OPA1: variants seen among roughly 807,000 people sequenced by gnomAD.
OPA1 encodes OPA1 mitochondrial dynamin like GTPase.
Under a neutral mutation model 152.9 loss-of-function variants are expected in OPA1, and 59 were observed. The ratio of observed to expected loss-of-function variants is 0.39; its 90% CI spans 0.31 to 0.48. The LOEUF is 0.48. OPA1 is among the 20% of genes least tolerant of loss of function. The probability of loss-of-function intolerance (pLI) is 0.96; values close to 1 mark genes in which losing one functional copy is unlikely to be tolerated. For synonymous variants in OPA1, 400 were observed against 389.9 expected (o/e 1.03, Z -0.31); for missense variants, 1,008 against 1,216.8 (o/e 0.83, Z 2.55).
chr3:193,640,751 T>C (rs74912702), intron 11 of OPA1, among the ~76,000 whole-genome samples: 1 of 152,194 alleles, frequency 6.6e-6, no homozygotes, highest in South Asian at 2.1e-4. Context: ...TTTGTTTTTT[T>C]CATGTTTAGC....
Position 193,688,510 on chromosome 3 carries a change from G to A in OPA1, c.2984-3553G>A, listed in dbSNP as rs1397955793. 9.9e-5 allele frequency among the ~76,000 whole-genome samples: 10 copies of A among 101,462 alleles called. No homozygotes were observed. The Admixed American group carries it at 1.2e-3, about 12-fold the overall frequency. 66.6% of individuals were successfully genotyped at this position (101,462 alleles called of 152,430 possible). ...TTTTTTTTTTTTGAGACAGAGTCTC[G>A]CTATGTCACCAGGCTGGAGTGCAGT... On this transcript the variant is annotated intron_variant, in intron 29 of 30. Coordinates refer to ENST00000361510, the MANE Select transcript of OPA1 (RefSeq NM_130837.3).
intron 21 of OPA1, among the ~76,000 whole-genome samples, chr3:193,653,647 C>A (rs1292482147): frequency 6.6e-6 from 1 of 152,106 alleles, no homozygotes; most frequent in Non-Finnish European, 1.5e-5. Context: ...TTACCTTAAT[C>A]ATGAATTATT....
chr3:193,666,483 A>G lies in OPA1; in HGVS notation c.2872+94A>G, dbSNP rs908689439. On this transcript the variant is annotated intron_variant, in intron 28 of 30. Transcript: ENST00000361510. ...TAGAAGGATGCCAAAATACTTCCCA[A>G]AAGTAGATTTATTAGAAAAACTGGC... The G allele has an allele frequency of 4.8e-6, 5 of 1,037,458 alleles. No homozygotes were observed. The African/African-American group carries it at 7.9e-5, about 16-fold the overall frequency. The allele number at this position is 1,037,458 out of a possible 1,614,324, so 64.3% of individuals were successfully genotyped here.
intron 1 of OPA1, among the ~76,000 whole-genome samples, chr3:193,611,034 C>T (rs550625416): frequency 2.6e-5 from 4 of 152,336 alleles, no homozygotes; most frequent in East Asian, 3.9e-4. Flanking sequence ...GTGCGCTGCA[C>T]CCACTGTCCT....
intron 16 of OPA1, among the ~76,000 whole-genome samples, chr3:193,645,003 T>C (rs1734327289): frequency 6.6e-6 from 1 of 152,086 alleles, no homozygotes; most frequent in Non-Finnish European, 1.5e-5. Context: ...TCTTTTTTTT[T>C]TTTTAGTCAC....
At chr3:193,678,264 G>A (rs1156550205) in intron 29 of OPA1, among the ~76,000 whole-genome samples, 2 of 151,292 alleles carry the variant, frequency 1.3e-5, no homozygotes, top group Non-Finnish European at 2.9e-5. Context: ...CATATATACA[G>A]ATCTGTCTTT....
intron 1 of OPA1, among the ~76,000 whole-genome samples, chr3:193,596,346 C>CTTAA (rs61521881): frequency 6.7e-4 from 90 of 134,710 alleles, no homozygotes; most frequent in African/African-American, 2.0e-3. Context: ...CTTTTCTTTT[C>CTTAA]TTTTCTTTTC....
chr3:193,615,127 C>T, intron 2 of OPA1, 86 bp downstream of exon 2: 1 of 1,035,640 alleles, frequency 9.7e-7, no homozygotes, highest in African/African-American at 1.6e-5. Flanking sequence ...TAGTGGAATA[C>T]AATTGGATGT....
At chr3:193,631,265 G>A (rs1476168432) in intron 7 of OPA1, among the ~76,000 whole-genome samples, 1 of 152,148 alleles carries the variant, frequency 6.6e-6, no homozygotes, top group African/African-American at 2.4e-5. Context: ...CCAAATATCT[G>A]AATCCCTATG....
chr3:193,625,263 A>G (rs1389660709), intron 6 of OPA1, among the ~76,000 whole-genome samples: 1 of 152,134 alleles, frequency 6.6e-6, no homozygotes, highest in Non-Finnish European at 1.5e-5. Context: ...GAAATAGAAA[A>G]GGTGATTTTT....
In OPA1 at chr3:193,616,145, G is replaced by A. The variant is rs533554790; in HGVS notation, c.448+375G>A. 1.2e-4 allele frequency among the ~76,000 whole-genome samples: 18 copies of A among 152,204 alleles called. No homozygotes were observed. In the East Asian group the frequency reaches 1.9e-3, roughly 16 times the overall value. On this transcript the variant is annotated intron_variant, in intron 3 of 30. Coordinates refer to ENST00000361510, the MANE Select transcript of OPA1 (RefSeq NM_130837.3). ...TTCCGACTCTGCCTCCCAAGTAGCC[G>A]GGACTACATGTGTGTGCCACCATGC...
chr3:193,610,875 A>G (rs1307532778), intron 1 of OPA1, among the ~76,000 whole-genome samples: 1 of 152,172 alleles, frequency 6.6e-6, no homozygotes, highest in Non-Finnish European at 1.5e-5. Context: ...GTTTGCTAAG[A>G]CCATCGGAAA....
intron 29 of OPA1, chr3:193,668,875 A>G: frequency 9.5e-7 from 1 of 1,055,790 alleles, no homozygotes; most frequent in Non-Finnish European, 1.2e-6. Context: ...TGAGAACTCA[A>G]GGAAATCAGT....
chr3:193,668,439 T>C (rs959956618), intron 29 of OPA1: 1 of 1,550,692 alleles, frequency 6.4e-7, no homozygotes, highest in Non-Finnish European at 8.7e-7. Context: ...TTGCTCTTCG[T>C]CATGGAGTCC....
intron 21 of OPA1, 73 bp downstream of exon 21, chr3:193,648,944 A>G: frequency 2.8e-6 from 3 of 1,066,190 alleles, no homozygotes; most frequent in Non-Finnish European, 4.4e-6. Flanking sequence ...TAAAACTTAG[A>G]TTGATAAAGC....
At chr3:193,654,559 A>C (rs562713916) in intron 21 of OPA1, among the ~76,000 whole-genome samples, 1 of 152,264 alleles carries the variant, frequency 6.6e-6, no homozygotes, top group South Asian at 2.1e-4. Flanking sequence ...CAAAATAATT[A>C]TGCTGGAGTG....
intron 30 of OPA1, among the ~76,000 whole-genome samples, chr3:193,692,812 A>G (rs988906756): frequency 6.6e-6 from 1 of 152,234 alleles, no homozygotes; most frequent in Non-Finnish European, 1.5e-5. Context: ...GCTGGAGTGC[A>G]GTAGTGCAAT....
At chr3:193,600,012 T>C (rs547859524) in intron 1 of OPA1, among the ~76,000 whole-genome samples, 169 of 152,340 alleles carry the variant, frequency 1.1e-3, no homozygotes, top group African/African-American at 3.8e-3. Flanking sequence ...GCCGCTGGGA[T>C]TGGCCAACAC....
intron 29 of OPA1, among the ~76,000 whole-genome samples, chr3:193,673,221 T>C (rs1158073604): frequency 3.3e-5 from 5 of 152,184 alleles, no homozygotes; most frequent in Non-Finnish European, 7.4e-5. Flanking sequence ...TATGATGACA[T>C]AAAATTGTCC....
Sources: allele counts gnomAD v4.1 joint callset (sites outside exome capture counted in the v4.1 genomes callset), GRCh38; gene constraint gnomAD v4.1.1; transcripts MANE v1.5; gene names NCBI Gene and HGNC (gene_info 2026-07-23, HGNC 2026-07-21).